SP6: variants seen among roughly 807,000 people sequenced by gnomAD.
SP6 encodes the protein transcription factor Sp6.
Under a neutral mutation model 23.4 loss-of-function variants are expected in SP6, and 10 were observed. The observed-to-expected ratio is 0.43, with a 90% CI of 0.26 to 0.72. SP6 has a LOEUF of 0.72. Ranked by LOEUF, SP6 falls within the 30% of genes least tolerant of loss-of-function variation. The probability of loss-of-function intolerance (pLI) is 0.23; values close to 1 mark genes in which losing one functional copy is unlikely to be tolerated. For synonymous variants in SP6, 238 were observed against 238.7 expected (o/e 1.00, Z 0.03); for missense variants, 482 against 523.8 (o/e 0.92, Z 0.78).
the SP6 span, among the ~76,000 whole-genome samples, chr17:47,869,276 A>G: frequency 6.6e-6 from 1 of 152,200 alleles, no homozygotes; most frequent in Non-Finnish European, 1.5e-5. Context: ...TCAAAGCACC[A>G]TCTAATTAAC....
the SP6 span, among the ~76,000 whole-genome samples, chr17:47,867,062 G>GCTGGGAC: frequency 6.6e-6 from 1 of 152,166 alleles, no homozygotes; most frequent in African/African-American, 2.4e-5. Context: ...TGTGCGGCCG[G>GCTGGGAC]CTGGGACGTA....
the SP6 span, among the ~76,000 whole-genome samples, chr17:47,872,890 A>G: frequency 6.6e-6 from 1 of 152,110 alleles, no homozygotes; most frequent in African/African-American, 2.4e-5. Flanking sequence ...CCTCCTGGGG[A>G]CCCCACAGGG....
the SP6 span, among the ~76,000 whole-genome samples, chr17:47,866,580 G>A: frequency 2.6e-5 from 4 of 152,182 alleles, no homozygotes; most frequent in African/African-American, 9.7e-5. Flanking sequence ...GAAATGTTTG[G>A]GGATTGGCTG....
At chr17:47,851,400 AG>A (rs906737796), upstream of SP6, among the ~76,000 whole-genome samples, 1 of 151,964 alleles carries the variant, frequency 6.6e-6, no homozygotes, top group African/African-American at 2.4e-5. Flanking sequence ...GGTGATTCCC[AG>A]GTTCTAAGAC....
At chr17:47,865,509 C>T in the SP6 span, among the ~76,000 whole-genome samples, 1 of 152,170 alleles carries the variant, frequency 6.6e-6, no homozygotes, top group Middle Eastern at 3.4e-3. Context: ...GGGGAAGGCT[C>T]CACCTCCCCC....
At position 47,847,602 on chromosome 17, in the gene SP6, G is replaced by A; in HGVS notation, c.828C>T (p.Arg276=). 1 of 1,613,636 alleles carries A rather than the reference G, an allele frequency of 6.2e-7. No individual in the cohort carries two copies. Among genetic ancestry groups the A allele is most frequent in the Non-Finnish European group, 8.5e-7 (1 of 1,179,950 alleles). ...AKTSHLKAHL[R]WHSGDRPFVC... is the part of the protein sequence containing the mutation. ...CGAAGGGACGGTCGCCGCTGTGCCA[G>A]CGCAGGTGCGCCTTCAGGTGCGACG... The change falls in exon 2 of 2, where the codon CGC becomes CGT. Residue 276 remains arginine (R), a synonymous_variant. Coordinates refer to ENST00000536300, the MANE Select transcript of SP6 (RefSeq NM_001258248.2).
At chr17:47,863,769 C>T in the SP6 span, among the ~76,000 whole-genome samples, 1 of 131,484 alleles carries the variant, frequency 7.6e-6, no homozygotes. Flanking sequence ...GATGGAGTCT[C>T]GCTCTGTCGC....
At chr17:47,862,019 T>A in the SP6 span, among the ~76,000 whole-genome samples, 16 of 144,684 alleles carry the variant, frequency 1.1e-4, no homozygotes, top group Non-Finnish European at 1.3e-4. Flanking sequence ...CATTCCAGCC[T>A]GGGAGACAGA....
In SP6 at chr17:47,847,902, A is replaced by G; in HGVS notation, c.528T>C (p.Ala176=). 1 of 1,562,480 alleles carries G rather than the reference A, an allele frequency of 6.4e-7. No homozygotes were observed. Among genetic ancestry groups the G allele is most frequent in the Non-Finnish European group, 8.7e-7 (1 of 1,153,672 alleles). The part of the protein sequence containing the change: ...PHPHAHHLLP[A]AGGQHLLGPP... ...GCCCTAGGAGATGCTGCCCTCCGGCAGCTGGAAGGAGGTGGTGCGCATGCG... is the reference window on the plus strand; with the variant it reads ...GCCCTAGGAGATGCTGCCCTCCGGCGGCTGGAAGGAGGTGGTGCGCATGCG... The change falls in exon 2 of 2, where the codon GCT becomes GCC. Residue 176 remains alanine, a synonymous_variant. Transcript: ENST00000536300.
the SP6 span, among the ~76,000 whole-genome samples, chr17:47,862,693 A>C: frequency 6.6e-6 from 1 of 152,306 alleles, no homozygotes; most frequent in East Asian, 1.9e-4. Context: ...CAGAAAACCA[A>C]GATTCGTAGA....
upstream of SP6, among the ~76,000 whole-genome samples, chr17:47,852,606 T>G (rs373645640): frequency 1.4e-3 from 220 of 152,212 alleles, 4 homozygotes; most frequent in South Asian, 0.043. Flanking sequence ...CCGCCATTGG[T>G]TTACCTGTCC....
the SP6 span, among the ~76,000 whole-genome samples, chr17:47,865,506 G>T: frequency 3.3e-5 from 5 of 152,134 alleles, no homozygotes; most frequent in African/African-American, 9.7e-5. Flanking sequence ...CCTGGGGAAG[G>T]CTCCACCTCC....
Position 47,848,445 on chromosome 17 carries a change from TG to T in SP6, c.-17del. 6.7e-7 allele frequency: 1 copy of T among 1,489,562 alleles called. No individual in the cohort carries two copies. The highest frequency in any genetic ancestry group is 9.0e-7 in the Non-Finnish European group (1 of 1,116,322). The allele number at this position is 1,489,562 out of a possible 1,614,324, so 92.3% of individuals were successfully genotyped here. On this transcript the variant is annotated 5_prime_UTR_variant, in exon 2 of 2. Coordinates refer to ENST00000536300, the MANE Select transcript of SP6 (RefSeq NM_001258248.2). This position sits in a 1 kb window ranked among gnomAD's most constrained non-coding sequence, Gnocchi z 5.3. Reference sequence around the variant, plus strand: ...CGGTTAGCATTGCCGGGATCCGGGGTGGGGTGAGGGCAGGGACGGTCAGGGG... The same window carrying T: ...CGGTTAGCATTGCCGGGATCCGGGGTGGGTGAGGGCAGGGACGGTCAGGGG...
the SP6 span, among the ~76,000 whole-genome samples, chr17:47,864,064 G>A: frequency 7.7e-6 from 1 of 130,456 alleles, no homozygotes; most frequent in Non-Finnish European, 1.6e-5. Context: ...GGCTGGTCTC[G>A]AACTCCTGAC....
the SP6 span, among the ~76,000 whole-genome samples, chr17:47,873,377 A>G: frequency 6.6e-6 from 1 of 152,204 alleles, no homozygotes; most frequent in Non-Finnish European, 1.5e-5. Flanking sequence ...AGAGGCCTTA[A>G]GAGATTAAGG....
In SP6 at chr17:47,846,872, T is replaced by C. The variant is rs1391181107; in HGVS notation, c.*427A>G. Reference sequence around the variant, plus strand: ...CCGCAGGGCGGCTCCGGAGGCGCTTTTATGTCCTGGTTCCCAGGCGCTAAG... The same window carrying C: ...CCGCAGGGCGGCTCCGGAGGCGCTTCTATGTCCTGGTTCCCAGGCGCTAAG... On this transcript the variant is annotated 3_prime_UTR_variant, in exon 2 of 2. Coordinates refer to ENST00000536300, the MANE Select transcript of SP6 (RefSeq NM_001258248.2). 6.1e-6 allele frequency: 1 copy of C among 164,482 alleles called. No individual in the cohort carries two copies. The highest frequency in any genetic ancestry group is 1.3e-5 in the Non-Finnish European group (1 of 76,638). 10.2% of individuals were successfully genotyped at this position (164,482 alleles called of 1,614,324 possible).
chr17:47,868,422 G>A, the SP6 span, among the ~76,000 whole-genome samples: 1 of 152,302 alleles, frequency 6.6e-6, no homozygotes, highest in East Asian at 1.9e-4. Context: ...AGTACCATGG[G>A]GACGACCCAA....
Position 47,847,955 on chromosome 17 carries a change from G to A in SP6, c.475C>T (p.His159Tyr), listed in dbSNP as rs771580516. 1.3e-4 allele frequency: 204 copies of A among 1,572,528 alleles called. 3 individuals carry two copies. Among genetic ancestry groups the A allele is most frequent in the Non-Finnish European group, 2.4e-5 (28 of 1,159,070 alleles). ...TGGGGTGGCGGGGCACAAAGCTGGTGGTCTCCGACGTAGCCCCCCAAGCCC... is the reference window on the plus strand; with the variant it reads ...TGGGGTGGCGGGGCACAAAGCTGGTAGTCTCCGACGTAGCCCCCCAAGCCC... ...QAGLGGYVGD[H>Y]QLCAPPPHPH... Residue 159 changes from histidine to tyrosine, a missense_variant, in exon 2 of 2, where the codon CAC becomes TAC. Around this residue, in one of 3 missense-constraint regions of SP6, gnomAD observed 330 missense variants for 332.3 expected, o/e 0.99. Transcript: ENST00000536300.
At chr17:47,855,195 G>A (rs564247548), upstream of SP6, among the ~76,000 whole-genome samples, 1 of 152,274 alleles carries the variant, frequency 6.6e-6, no homozygotes, top group East Asian at 1.9e-4. Flanking sequence ...ATGTCGGTGT[G>A]TGTATATCTA....
Sources: gnomAD v4.1 joint callset for allele counts (sites outside exome capture counted in the v4.1 genomes callset) on GRCh38, gnomAD v4.1.1 for gene constraint, gnomAD v4.1.1 regional missense constraint, Gnocchi (gnomAD v3.1) non-coding constraint, MANE v1.5 for transcripts, NCBI Gene and HGNC (gene_info 2026-07-23, HGNC 2026-07-21) for gene names.